ZNF774: variants seen among roughly 807,000 people sequenced by gnomAD.
ZNF774 encodes zinc finger protein 774.
Under a neutral mutation model 11.1 loss-of-function variants are expected in ZNF774, and 14 were observed. The observed-to-expected ratio is 1.26, with a 90% CI of 0.83 to 1.97. The LOEUF is 1.97. ZNF774 is among the 30% of genes most tolerant of loss of function. ZNF774 has a pLI of 0.00. For synonymous variants in ZNF774, 195 were observed against 212.6 expected, an observed-to-expected ratio of 0.92 and a Z score of 0.72; for missense variants, 599 against 587.0, an observed-to-expected ratio of 1.02 and a Z score of -0.21.
intron 2 of ZNF774, among the ~76,000 whole-genome samples, chr15:90,357,337 T>TAA (rs1964262359): frequency 6.6e-6 from 1 of 152,012 alleles, no homozygotes; most frequent in African/African-American, 2.4e-5. Flanking sequence ...TGAGACCCTG[T>TAA]CTCTACAAAA....
At chr15:90,358,480 A>G (rs888261977) in intron 2 of ZNF774, among the ~76,000 whole-genome samples, 2 of 152,244 alleles carry the variant, frequency 1.3e-5, no homozygotes, top group African/African-American at 4.8e-5. Flanking sequence ...TTAAAGCCCA[A>G]CATTATAGTT....
Position 90,361,414 on chromosome 15 carries a change from CTA to C in ZNF774, c.*133_*134del. The C allele has an allele frequency of 5.4e-6, 8 of 1,487,312 alleles. No homozygotes were observed. The South Asian group carries it at 9.9e-5, about 18-fold the overall frequency. The allele number at this position is 1,487,312 out of a possible 1,614,324, so 92.1% of individuals were successfully genotyped here. The stretch of plus-strand genomic sequence containing the variant: ...CTGATCTATTCTCCCTCTTTCTTGT[CTA>C]TGTTATAACAGAGAGGATAAACTTA... On this transcript the variant is annotated 3_prime_UTR_variant, in exon 4 of 4. Transcript: ENST00000354377.
At position 90,362,829 on chromosome 15, in the gene ZNF774, C is replaced by A. The variant is rs551475303; in HGVS notation, c.*1546C>A. On this transcript the variant is annotated 3_prime_UTR_variant, in exon 4 of 4. Transcript: ENST00000354377. Reference sequence around the variant, plus strand: ...AATGTAATATCTCTATGTTATAATTCTGTTGCTAATGTCTTTTTTCCAAGA... The same window carrying A: ...AATGTAATATCTCTATGTTATAATTATGTTGCTAATGTCTTTTTTCCAAGA... The A allele has an allele frequency of 2.4e-4, 95 of 402,892 alleles. No individual in the cohort carries two copies. The highest frequency in any genetic ancestry group is 1.8e-3 in the African/African-American group (87 of 49,548). The allele number at this position is 402,892 out of a possible 1,614,324, so 25.0% of individuals were successfully genotyped here. A position where few individuals can be genotyped will look rare whatever the true frequency, so the allele number is the denominator to read the frequency against.
chr15:90,359,541 G>A (rs1207851138), intron 3 of ZNF774, among the ~76,000 whole-genome samples: 6 of 151,510 alleles, frequency 4.0e-5, no homozygotes, highest in African/African-American at 1.5e-4. Flanking sequence ...TGCAACCTCC[G>A]CCTCCCGGGT....
chr15:90,362,496 G>C lies in ZNF774; in HGVS notation c.*1213G>C. The C allele has an allele frequency of 6.6e-7, 1 of 1,513,490 alleles. No homozygotes were observed. Among genetic ancestry groups the C allele is most frequent in the African/African-American group, 1.4e-5 (1 of 72,668 alleles). 93.8% of individuals were successfully genotyped at this position (1,513,490 alleles called of 1,614,324 possible). A position where few individuals can be genotyped will look rare whatever the true frequency, so the allele number is the denominator to read the frequency against. Reference sequence around the variant, plus strand: ...CAACTCTTGTTTTCTAATTTGCTGGGTCATTGGCCATTTAGTTTTAGGTTA... The same window carrying C: ...CAACTCTTGTTTTCTAATTTGCTGGCTCATTGGCCATTTAGTTTTAGGTTA... On this transcript the variant is annotated 3_prime_UTR_variant, in exon 4 of 4. Coordinates refer to ENST00000354377, the MANE Select transcript of ZNF774 (RefSeq NM_001004309.3).
chr15:90,355,666 T>C (rs1304960273), intron 2 of ZNF774, among the ~76,000 whole-genome samples: 1 of 131,952 alleles, frequency 7.6e-6, no homozygotes, highest in African/African-American at 3.0e-5. Flanking sequence ...GAGGTTGCAG[T>C]GAGCTGAGAC....
Position 90,361,301 on chromosome 15 carries a change from T to C in ZNF774, c.*18T>C. 1 of 1,569,644 alleles carries C rather than the reference T, an allele frequency of 6.4e-7. No homozygotes were observed. Among genetic ancestry groups the C allele is most frequent in the Non-Finnish European group, 8.6e-7 (1 of 1,158,052 alleles). On this transcript the variant is annotated 3_prime_UTR_variant, in exon 4 of 4. Transcript: ENST00000354377. ...TGATTTAGGAAGTAGTCTTTGGTGT[T>C]CAGCTGCTCCCTTGCACATTTTCAT... is the stretch of plus-strand genomic sequence containing the variant.
chr15:90,355,553 T>C, intron 2 of ZNF774: 1 of 392,252 alleles, frequency 2.5e-6, no homozygotes, highest in South Asian at 1.8e-5. Flanking sequence ...TGAAACCCTG[T>C]CTCTACTAAA....
Position 90,360,884 on chromosome 15 carries a change from C to G in ZNF774, c.1053C>G (p.Asp351Glu). The change falls in exon 4 of 4, where the codon GAC becomes GAG. Residue 351 changes from aspartate (D) to glutamate (E), a missense_variant. Coordinates refer to ENST00000354377, the MANE Select transcript of ZNF774 (RefSeq NM_001004309.3). ...GAGAGAGGCCTTTCAGTTGTCCTGA[C>G]TGCCACAAAAGCTTCAGTCAGAGCT... Reference protein sequence around the residue: ...HSGERPFSCPDCHKSFSQSSH... With the variant: ...HSGERPFSCPECHKSFSQSSH... 6.2e-7 allele frequency: 1 copy of G among 1,614,072 alleles called. No individual in the cohort carries two copies. The highest frequency in any genetic ancestry group is 2.2e-5 in the East Asian group (1 of 44,860).
In ZNF774 at chr15:90,361,195, G is replaced by A. The variant is rs567922756; in HGVS notation, c.1364G>A (p.Gly455Glu). Residue 455 changes from glycine to glutamate, a missense_variant, in exon 4 of 4, where the codon GGA becomes GAA. By Grantham distance (98) the Gly-to-Glu change is moderately conservative (BLOSUM62 -2). Transcript: ENST00000354377. The part of the protein sequence containing the change: ...HFLTHQRTHT[G>E]EKPFHCSKCN... ...CTCACACACCAGAGAACGCATACAG[G>A]AGAAAAACCTTTCCACTGTAGTAAA... 5 of 1,614,076 alleles carry A rather than the reference G, an allele frequency of 3.1e-6. No homozygotes were observed. In the Admixed American group the frequency reaches 6.7e-5, roughly 22 times the overall value.
At chr15:90,357,197 A>G (rs1964260630) in intron 2 of ZNF774, among the ~76,000 whole-genome samples, 1 of 152,102 alleles carries the variant, frequency 6.6e-6, no homozygotes, top group African/African-American at 2.4e-5. Context: ...TACCTTTCAC[A>G]GTGGGTATTA....
chr15:90,360,154 G>C lies in ZNF774; in HGVS notation c.323G>C (p.Gly108Ala). ...GATCTTTCTCATACTCTTAGTTGGG[G>C]AGGAAACTGGGAGCAAGGCCTAGAA... ...NKDLSHTLSW[G>A]GNWEQGLELE... is the part of the protein sequence containing the mutation. Residue 108 changes from glycine to alanine, a missense_variant, in exon 4 of 4, where the codon GGA (glycine) becomes GCA (alanine). Gly to Ala is a moderately conservative substitution (Grantham distance 60, BLOSUM62 0). Transcript: ENST00000354377. 2 of 1,614,204 alleles carry C rather than the reference G, an allele frequency of 1.2e-6. No homozygotes were observed. Among genetic ancestry groups the C allele is most frequent in the South Asian group, 2.2e-5 (2 of 91,082 alleles).
chr15:90,354,166 T>A (rs1480258433), intron 1 of ZNF774, among the ~76,000 whole-genome samples: 1 of 151,332 alleles, frequency 6.6e-6, no homozygotes, highest in Non-Finnish European at 1.5e-5. Flanking sequence ...TGGGGTTCTG[T>A]ATAATCTGTC....
At position 90,361,040 on chromosome 15, in the gene ZNF774, C is replaced by T. The variant is rs753800206; in HGVS notation, c.1209C>T (p.Tyr403=). ...HQRIHTGERP[Y]KCGECGKSFN... is the part of the protein sequence containing the mutation. ...GAATCCACACCGGAGAAAGACCCTACAAATGTGGAGAGTGTGGGAAGAGCT... is the reference window on the plus strand; with the variant it reads ...GAATCCACACCGGAGAAAGACCCTATAAATGTGGAGAGTGTGGGAAGAGCT... The change falls in exon 4 of 4, where the codon TAC becomes TAT. Residue 403 remains tyrosine, a synonymous_variant. Transcript: ENST00000354377. 1.2e-6 allele frequency: 2 copies of T among 1,614,164 alleles called. No individual in the cohort carries two copies. The highest frequency in any genetic ancestry group is 1.7e-5 in the Admixed American group (1 of 60,022).
chr15:90,360,206 A>T lies in ZNF774; in HGVS notation c.375A>T (p.Pro125=), dbSNP rs1324924975. 1 of 1,614,222 alleles carries T rather than the reference A, an allele frequency of 6.2e-7. No individual in the cohort carries two copies. Among genetic ancestry groups the T allele is most frequent in the Non-Finnish European group, 8.5e-7 (1 of 1,180,040 alleles). Residue 125 remains proline (P), a synonymous_variant, in exon 4 of 4, where the codon CCA becomes CCT. Coordinates refer to ENST00000354377, the MANE Select transcript of ZNF774 (RefSeq NM_001004309.3). The part of the protein sequence containing the change: ...LELEGQHGTL[P]GEGQLESFSQ... ...TAGAAGGGCAACATGGAACCCTTCC[A>T]GGAGAGGGCCAGCTGGAGTCCTTTT...
chr15:90,354,237 G>A (rs1376382100), intron 1 of ZNF774, among the ~76,000 whole-genome samples: 1 of 152,170 alleles, frequency 6.6e-6, no homozygotes, highest in Non-Finnish European at 1.5e-5. Context: ...ACTAATATGA[G>A]TATAGTTAAG....
intron 2 of ZNF774, among the ~76,000 whole-genome samples, chr15:90,356,041 T>A (rs372013428): frequency 0.069 from 4,819 of 69,942 alleles, 154 homozygotes; most frequent in Non-Finnish European, 0.08. Flanking sequence ...AAAAAAAAAA[T>A]AAATAAAAAA....
chr15:90,359,478 G>A (rs1964295009), intron 3 of ZNF774, among the ~76,000 whole-genome samples: 1 of 150,884 alleles, frequency 6.6e-6, no homozygotes, highest in African/African-American at 2.4e-5. Flanking sequence ...TTTTTGAGAT[G>A]GAGTCTCCCT....
chr15:90,358,922 T>C lies in ZNF774; in HGVS notation c.176T>C (p.Phe59Ser). 1 of 1,613,780 alleles carries C rather than the reference T, an allele frequency of 6.2e-7. No individual in the cohort carries two copies. Among genetic ancestry groups the C allele is most frequent in the African/African-American group, 1.3e-5 (1 of 74,994 alleles). The change falls in exon 3 of 4, where the codon TTT becomes TCT. Residue 59 changes from phenylalanine to serine, a missense_variant. Transcript: ENST00000354377. ...CCATGGGTCCTACCACTCCAAAACT[T>C]TGAGGCGAGGAAGATCCCGAGGGAA... ...EEPWVLPLQN[F>S]EARKIPRESH...
Sources: allele counts gnomAD v4.1 joint callset (sites outside exome capture counted in the v4.1 genomes callset), GRCh38; gene constraint gnomAD v4.1.1; transcripts MANE v1.5; gene names NCBI Gene and HGNC (gene_info 2026-07-23, HGNC 2026-07-21).